Variants in RIOK1 observed in about 807,000 individuals in gnomAD.
RIOK1 encodes RIO kinase 1.
A neutral mutation model predicts 73.5 loss-of-function variants in RIOK1; 66 were observed. The observed-to-expected ratio is 0.90, with a 90% confidence interval of 0.74 to 1.10. The LOEUF (loss-of-function observed/expected upper bound fraction) is 1.10. Ranked by LOEUF, RIOK1 falls within the 50% of genes least tolerant of loss-of-function variation. The pLI, the probability that RIOK1 is intolerant of heterozygous loss-of-function variation, is 0.00. For synonymous variants in RIOK1, 224 were observed against 226.8 expected, an observed-to-expected ratio of 0.99 and a Z score of 0.11; for missense variants, 658 against 699.8, an observed-to-expected ratio of 0.94 and a Z score of 0.67.
intron 4 of RIOK1, among the ~76,000 whole-genome samples, chr6:7,398,080 T>C (rs1761519486): frequency 6.6e-6 from 1 of 152,188 alleles, no homozygotes; most frequent in Admixed American, 6.5e-5. Flanking sequence ...AGGCAGAGCT[T>C]GCAGTGAGCC....
In RIOK1 at chr6:7,404,520, A is replaced by G; in HGVS notation, c.957A>G (p.Arg319=). The change falls in exon 10 of 17, where the codon AGA becomes AGG. Residue 319 remains arginine, a synonymous_variant. Coordinates refer to ENST00000379834, the MANE Select transcript of RIOK1 (RefSeq NM_031480.3). ...TGAGAAGAATGTATCAGGATGCCAG[A>G]CTTGTCCATGCAGATCTCAGTGAAT... is the stretch of plus-strand genomic sequence containing the variant. ...QYMRRMYQDA[R]LVHADLSEFN... 6.2e-7 allele frequency: 1 copy of G among 1,614,162 alleles called. No individual in the cohort carries two copies. The highest frequency in any genetic ancestry group is 8.5e-7 in the Non-Finnish European group (1 of 1,180,024).
intron 8 of RIOK1, 152 bp downstream of exon 8, chr6:7,403,049 C>T (rs1761652675): frequency 1.7e-6 from 1 of 592,982 alleles, no homozygotes; most frequent in African/African-American, 1.9e-5. Flanking sequence ...GCAGAAGAAA[C>T]ACATGTCTGG....
At chr6:7,416,030 A>T (rs1362804862) in intron 16 of RIOK1, among the ~76,000 whole-genome samples, 3 of 152,204 alleles carry the variant, frequency 2.0e-5, no homozygotes, top group African/African-American at 7.2e-5. Context: ...GGAGTCTTGG[A>T]ACATATCCCC....
At chr6:7,411,500 G>A in intron 14 of RIOK1, 49 bp downstream of exon 14, 1 of 1,608,070 alleles carries the variant, frequency 6.2e-7, no homozygotes, top group Non-Finnish European at 8.5e-7. Context: ...AAAGTAGTAG[G>A]GGACTGTCCC....
chr6:7,410,456 G>A lies in RIOK1; in HGVS notation c.1269+5G>A, dbSNP rs1761858795. On this transcript the variant is annotated splice_donor_5th_base_variant and intron_variant, in intron 13 of 16. Transcript: ENST00000379834. ...CAAGATCATGTGGATGAAGAGGTAG[G>A]ATTTATTATCTATTCACAGCCTTTG... 6.3e-7 allele frequency: 1 copy of A among 1,598,636 alleles called. No individual in the cohort carries two copies. The highest frequency in any genetic ancestry group is 8.6e-7 in the Non-Finnish European group (1 of 1,166,964).
intron 3 of RIOK1, among the ~76,000 whole-genome samples, chr6:7,396,250 C>T (rs1191168709): frequency 3.3e-5 from 5 of 152,110 alleles, no homozygotes; most frequent in African/African-American, 1.2e-4. Flanking sequence ...CTAAACCTAA[C>T]ACAGTGTTTC....
At chr6:7,392,673 C>CT (rs1761370040) in intron 1 of RIOK1, among the ~76,000 whole-genome samples, 1 of 152,118 alleles carries the variant, frequency 6.6e-6, no homozygotes, top group African/African-American at 2.4e-5. Context: ...GTGTGAACCG[C>CT]TGCACCAGCC....
At chr6:7,399,757 CCT>C (rs1237390764) in intron 5 of RIOK1, among the ~76,000 whole-genome samples, 1 of 152,194 alleles carries the variant, frequency 6.6e-6, no homozygotes, top group Non-Finnish European at 1.5e-5. Flanking sequence ...GCTGACTTCC[CCT>C]CTTTGCTTAC....
chr6:7,412,647 G>A (rs1357296792), intron 14 of RIOK1, among the ~76,000 whole-genome samples: 27 of 118,456 alleles, frequency 2.3e-4, no homozygotes, highest in Admixed American at 5.2e-4. Flanking sequence ...GCAAGACTCC[G>A]TCTCAAAAAA....
intron 12 of RIOK1, among the ~76,000 whole-genome samples, chr6:7,407,789 C>T (rs1368702926): frequency 6.6e-6 from 1 of 151,950 alleles, no homozygotes; most frequent in Non-Finnish European, 1.5e-5. Context: ...CCACAGTGTC[C>T]AGCCCCATGT....
chr6:7,389,987 G>C lies in RIOK1; in HGVS notation c.-16G>C. 1 of 1,549,746 alleles carries C rather than the reference G, an allele frequency of 6.5e-7. No homozygotes were observed. The highest frequency in any genetic ancestry group is 8.7e-7 in the Non-Finnish European group (1 of 1,146,476). On this transcript the variant is annotated 5_prime_UTR_variant, in exon 1 of 17. Transcript: ENST00000379834. ...TTCCATCGCAGAGCGGCGGCCTCCG[G>C]CGGCGCTCTCCAGTCATGGACTACC... is the stretch of plus-strand genomic sequence containing the variant.
chr6:7,397,051 G>A (rs553277684), intron 4 of RIOK1, among the ~76,000 whole-genome samples: 3 of 152,202 alleles, frequency 2.0e-5, no homozygotes, highest in Admixed American at 6.5e-5. Context: ...ATCACTTGAG[G>A]CCAGGAGTTT....
Position 7,389,819 on chromosome 6 carries a change from TG to T in RIOK1, c.-180del, listed in dbSNP as rs1261615478. 5.0e-6 allele frequency: 3 copies of T among 601,428 alleles called. No individual in the cohort carries two copies. The highest frequency in any genetic ancestry group is 4.0e-5 in the South Asian group (2 of 50,032). 37.3% of individuals were successfully genotyped at this position (601,428 alleles called of 1,614,324 possible). ...GGCGAGGCGGTGAGGGGCTTCCGGT[TG>T]GGGTGGCAGGGTGGTGGATCTGTCG... On this transcript the variant is annotated 5_prime_UTR_variant, in exon 1 of 17. Coordinates refer to ENST00000379834, the MANE Select transcript of RIOK1 (RefSeq NM_031480.3).
At chr6:7,415,472 TG>T (rs1156395932) in intron 16 of RIOK1, among the ~76,000 whole-genome samples, 1 of 152,196 alleles carries the variant, frequency 6.6e-6, no homozygotes, top group African/African-American at 2.4e-5. Context: ...CGTGACATTG[TG>T]GAGAAGGAAA....
Position 7,411,363 on chromosome 6 carries a change from T to C in RIOK1, c.1301T>C (p.Leu434Ser). Residue 434 changes from leucine (L) to serine (S), a missense_variant, in exon 14 of 17, where the codon TTG becomes TCG. Transcript: ENST00000379834. ...AAGCGAGCATATATTCCTAGAACCT[T>C]GAATGAAGTGAAAAATTATGAGAGG... ...VFKRAYIPRT[L>S]NEVKNYERDM... is the part of the protein sequence containing the mutation. 1 of 1,614,032 alleles carries C rather than the reference T, an allele frequency of 6.2e-7. No individual in the cohort carries two copies. Among genetic ancestry groups the C allele is most frequent in the Non-Finnish European group, 8.5e-7 (1 of 1,179,952 alleles).
chr6:7,409,301 C>T (rs914350997), intron 12 of RIOK1, among the ~76,000 whole-genome samples: 2 of 150,552 alleles, frequency 1.3e-5, no homozygotes, highest in African/African-American at 2.4e-5. Context: ...CTCACCCATG[C>T]TGGAGTACAG....
Position 7,417,488 on chromosome 6 carries a change from C to A in RIOK1, c.*47C>A. On this transcript the variant is annotated 3_prime_UTR_variant, in exon 17 of 17. Coordinates refer to ENST00000379834, the MANE Select transcript of RIOK1 (RefSeq NM_031480.3). ...AGTCATTTTCCTCAGTTCCTTTTCT[C>A]GCCTGAACTCTTAAGCTGCATCTGG... 8.4e-7 allele frequency: 1 copy of A among 1,188,138 alleles called. No individual in the cohort carries two copies. The highest frequency in any genetic ancestry group is 1.2e-6 in the Non-Finnish European group (1 of 845,790). 73.6% of individuals were successfully genotyped at this position (1,188,138 alleles called of 1,614,324 possible).
intron 2 of RIOK1, among the ~76,000 whole-genome samples, chr6:7,394,290 C>A (rs903029555): frequency 6.6e-6 from 1 of 152,054 alleles, no homozygotes; most frequent in Non-Finnish European, 1.5e-5. Context: ...AAAAATTAGC[C>A]GGGCGTGGTG....
At chr6:7,392,667 G>A (rs1222275676) in intron 1 of RIOK1, among the ~76,000 whole-genome samples, 1 of 152,034 alleles carries the variant, frequency 6.6e-6, no homozygotes, top group African/African-American at 2.4e-5. Flanking sequence ...TCAAAGGTGT[G>A]AACCGCTGCA....
Sources: allele counts gnomAD v4.1 joint callset (sites outside exome capture counted in the v4.1 genomes callset), GRCh38; gene constraint gnomAD v4.1.1; transcripts MANE v1.5; gene names NCBI Gene and HGNC (gene_info 2026-07-23, HGNC 2026-07-21).